SPINK5: variants seen among roughly 807,000 people sequenced by gnomAD.
SPINK5 encodes the protein serine protease inhibitor Kazal-type 5.
SPINK5 carries 125 observed loss-of-function variants against 151.8 expected under a neutral mutation model. The observed-to-expected ratio is 0.82, with a 90% confidence interval of 0.71 to 0.96. SPINK5 has a LOEUF of 0.96. Ranked by LOEUF, SPINK5 falls within the 40% of genes least tolerant of loss-of-function variation. The probability of loss-of-function intolerance (pLI) is 0.00; values close to 1 mark genes in which losing one functional copy is unlikely to be tolerated. For missense variants in SPINK5, 1,194 were observed against 1,291.9 expected (o/e 0.92, Z 1.16); for synonymous variants, 374 against 395.3 (o/e 0.95, Z 0.64).
chr5:148,084,083 T>C (rs1027966870), intron 4 of SPINK5, among the ~76,000 whole-genome samples: 1 of 151,946 alleles, frequency 6.6e-6, no homozygotes, highest in Admixed American at 6.6e-5. Flanking sequence ...ATAATTAGAC[T>C]TGATAAAATA....
rs1419297868 is a variant in SPINK5 at position 148,086,495 on chromosome 5, AC to A, written c.374del (p.Thr125AsnfsTer21). On this transcript the variant is annotated frameshift_variant, in exon 5 of 33. Coordinates refer to ENST00000256084, the MANE Select transcript of SPINK5 (RefSeq NM_006846.4). LOFTEE classifies it high-confidence loss of function. ...YEAVCGTDGK[T>X]YDNRCALCAE... ...AGCTGTTTGTGGCACAGATGGGAAA[AC>A]ATATGACAACAGATGTGCACTGTGT... The A allele has an allele frequency of 3.1e-6, 5 of 1,611,770 alleles. No individual in the cohort carries two copies. The African/African-American group carries it at 5.4e-5, about 17-fold the overall frequency.
intron 21 of SPINK5, among the ~76,000 whole-genome samples, chr5:148,115,060 G>A (rs11956104): frequency 0.039 from 6,005 of 152,206 alleles, 406 homozygotes; most frequent in African/African-American, 0.14. Flanking sequence ...AGTCACAGAC[G>A]TAAGGTAATA....
Position 148,123,869 on chromosome 5 carries a change from G to T in SPINK5, c.2575G>T (p.Gly859Ter). 6.2e-7 allele frequency: 1 copy of T among 1,613,964 alleles called. No homozygotes were observed. Among genetic ancestry groups the T allele is most frequent in the Non-Finnish European group, 8.5e-7 (1 of 1,179,980 alleles). ...TGAATTTCGAAGCATGCAGAGAAATGGAAAGCTTATCTGCACCAGAGAAAA... is the reference window on the plus strand; with the variant it reads ...TGAATTTCGAAGCATGCAGAGAAATTGAAAGCTTATCTGCACCAGAGAAAA... ...CREFRSMQRN[G>*]KLICTRENNP... The change falls in exon 27 of 33, where the codon GGA (glycine) becomes TGA (stop). Residue 859 changes from glycine (G) to a stop codon, truncating the protein, a stop_gained. Coordinates refer to ENST00000256084, the MANE Select transcript of SPINK5 (RefSeq NM_006846.4). LOFTEE classifies it high-confidence loss of function.
chr5:148,108,260 A>T (rs1248251753), intron 17 of SPINK5, among the ~76,000 whole-genome samples: 1 of 152,250 alleles, frequency 6.6e-6, no homozygotes, highest in Non-Finnish European at 1.5e-5. Flanking sequence ...CACTACTGCA[A>T]TCTAAACCTT....
rs1426037963 is a variant in SPINK5 at position 148,108,807 on chromosome 5, G to A, written c.1662G>A (p.Glu554=). 6.2e-7 allele frequency: 1 copy of A among 1,612,274 alleles called. No homozygotes were observed. Among genetic ancestry groups the A allele is most frequent in the Admixed American group, 1.7e-5 (1 of 59,950 alleles). ...ATAAAGAAGAAAAAGGGAAAGTCGA[G>A]GCTGAAAAAGTTAAGAGAGAAGCAG... The part of the protein sequence containing the change: ...KNDKEEKGKV[E]AEKVKREAVQ... The change falls in exon 18 of 33, where the codon GAG becomes GAA. Residue 554 remains glutamate (E), a synonymous_variant. Coordinates refer to ENST00000256084, the MANE Select transcript of SPINK5 (RefSeq NM_006846.4).
intron 22 of SPINK5, among the ~76,000 whole-genome samples, chr5:148,117,577 G>A (rs1007073854): frequency 1.2e-4 from 18 of 152,208 alleles, no homozygotes; most frequent in Non-Finnish European, 4.4e-5. Context: ...AACTTTATGT[G>A]TAAGAACAGG....
At position 148,131,403 on chromosome 5, in the gene SPINK5, T is replaced by C. The variant is rs756666012; in HGVS notation, c.3095+14T>C. 6.2e-7 allele frequency: 1 copy of C among 1,613,698 alleles called. No homozygotes were observed. Among genetic ancestry groups the C allele is most frequent in the Non-Finnish European group, 8.5e-7 (1 of 1,179,674 alleles). On this transcript the variant is annotated intron_variant, in intron 31 of 32. Transcript: ENST00000256084. ...TCATGAAAACCTGTAAGTATTCAAGTTGCCCCATCATATCTTCCAGTTTAG... is the reference window on the plus strand; with the variant it reads ...TCATGAAAACCTGTAAGTATTCAAGCTGCCCCATCATATCTTCCAGTTTAG...
chr5:148,099,208 T>G (rs2113110822), intron 11 of SPINK5, 26 bp from the exon 12 acceptor site: 1 of 1,590,310 alleles, frequency 6.3e-7, no homozygotes, highest in Non-Finnish European at 8.6e-7. Context: ...TCCTAATGGA[T>G]CTGCTTCTTT....
Position 148,122,866 on chromosome 5 carries a change from ATTTT to A in SPINK5, c.2539-951_2539-948del, listed in dbSNP as rs111936279. On this transcript the variant is annotated intron_variant, in intron 26 of 32. Coordinates refer to ENST00000256084, the MANE Select transcript of SPINK5 (RefSeq NM_006846.4). ...ACACGATAAAGCACCTCGCACAATA[ATTTT>A]TTTTTTTTTTTTTTTGGTAAATTGT... is the stretch of plus-strand genomic sequence containing the variant. 3.4e-4 allele frequency among the ~76,000 whole-genome samples: 43 copies of A among 127,806 alleles called. No homozygotes were observed. In the South Asian group the frequency reaches 4.3e-3, roughly 13 times the overall value. 83.8% of individuals were successfully genotyped at this position (127,806 alleles called of 152,430 possible).
At chr5:148,123,346 T>C (rs915106235) in intron 26 of SPINK5, among the ~76,000 whole-genome samples, 1 of 146,912 alleles carries the variant, frequency 6.8e-6, no homozygotes. Flanking sequence ...AACAAGATTA[T>C]ATATATATAA....
chr5:148,084,229 C>T (rs1454214821), intron 4 of SPINK5, among the ~76,000 whole-genome samples: 1 of 151,670 alleles, frequency 6.6e-6, no homozygotes, highest in East Asian at 2.0e-4. Context: ...CTGCTAAATT[C>T]AGTTAGGTAG....
intron 26 of SPINK5, among the ~76,000 whole-genome samples, chr5:148,122,394 G>A (rs1289050110): frequency 6.6e-6 from 1 of 152,150 alleles, no homozygotes; most frequent in Admixed American, 6.5e-5. Context: ...GGAATTGTTT[G>A]TTTACGGACA....
chr5:148,094,350 A>T lies in SPINK5; in HGVS notation c.667-4A>T. 1 of 1,612,106 alleles carries T rather than the reference A, an allele frequency of 6.2e-7. No homozygotes were observed. On this transcript the variant is annotated splice_polypyrimidine_tract_variant and splice_region_variant and intron_variant, in intron 8 of 32. Transcript: ENST00000256084. ...GTAAAATAAATATAATTGTCTTTTC[A>T]AAGGATTTTTGCAAGGAATATGAAA...
intron 2 of SPINK5, 69 bp from the exon 3 acceptor site, chr5:148,070,252 CAT>C (rs1370958390): frequency 1.3e-6 from 2 of 1,519,068 alleles, no homozygotes; most frequent in Non-Finnish European, 1.8e-6. Context: ...CATATATCTA[CAT>C]ATATATATCA....
chr5:148,096,752 C>CT (rs775398655), intron 10 of SPINK5, among the ~76,000 whole-genome samples: 1,382 of 130,078 alleles, frequency 0.011, 25 homozygotes, highest in African/African-American at 0.038. Context: ...CTTTTCTTTT[C>CT]TTTTTTTTTT....
At chr5:148,070,851 A>G (rs917130387) in intron 3 of SPINK5, among the ~76,000 whole-genome samples, 1 of 152,078 alleles carries the variant, frequency 6.6e-6, no homozygotes, top group African/African-American at 2.4e-5. Context: ...GCTTAAGCAT[A>G]ATGCCAGACT....
At chr5:148,107,440 G>A (rs764988285) in intron 17 of SPINK5, among the ~76,000 whole-genome samples, 1 of 151,622 alleles carries the variant, frequency 6.6e-6, no homozygotes, top group Non-Finnish European at 1.5e-5. Context: ...AAAAGAGAGA[G>A]CAGAAATTTC....
At chr5:148,091,932 G>A (rs902527142) in intron 8 of SPINK5, among the ~76,000 whole-genome samples, 7 of 151,850 alleles carry the variant, frequency 4.6e-5, no homozygotes, top group African/African-American at 1.7e-4. Flanking sequence ...TACTTTCAAT[G>A]AGAGGGATAG....
chr5:148,097,191 T>C (rs1439609783), intron 10 of SPINK5, among the ~76,000 whole-genome samples: 2 of 151,926 alleles, frequency 1.3e-5, no homozygotes, highest in Non-Finnish European at 2.9e-5. Context: ...CACATCTGGT[T>C]GATAACCTTT....
Sources: gnomAD v4.1 joint callset for allele counts (sites outside exome capture counted in the v4.1 genomes callset) on GRCh38, gnomAD v4.1.1 for gene constraint, MANE v1.5 for transcripts, NCBI Gene and HGNC (gene_info 2026-07-23, HGNC 2026-07-21) for gene names.